FIGNL1: variants seen among roughly 807,000 people sequenced by gnomAD.
FIGNL1 encodes fidgetin like 1.
A neutral mutation model predicts 28.9 loss-of-function variants in FIGNL1; 11 were observed. That is an observed-to-expected ratio of 0.38 (90% CI 0.24 to 0.63). The LOEUF (loss-of-function observed/expected upper bound fraction) is 0.63, where lower values mean the gene tolerates loss of function less well. Among genes scored for constraint, FIGNL1 ranks in the 20% least tolerant of loss-of-function variants. The pLI is 0.57. For synonymous variants in FIGNL1, 295 were observed against 276.5 expected (o/e 1.07, Z -0.66); for missense variants, 789 against 810.4 (o/e 0.97, Z 0.32).
intron 3 of FIGNL1, 43 bp from the exon 4 acceptor site, chr7:50,447,340 A>G: frequency 1.5e-6 from 2 of 1,361,208 alleles, no homozygotes; most frequent in Non-Finnish European, 9.9e-7. Flanking sequence ...GAAGGAAAAC[A>G]AAGAAAATAC....
In FIGNL1 at chr7:50,445,548, T is replaced by C. The variant is rs781572340; in HGVS notation, c.1740A>G (p.Leu580=). The C allele has an allele frequency of 2.5e-6, 4 of 1,614,116 alleles. No individual in the cohort carries two copies. The highest frequency in any genetic ancestry group is 2.7e-5 in the African/African-American group (2 of 74,928). The part of the protein sequence containing the change: ...ASARKQIVIN[L]MSKEQCCLSE... ...TGAGGCAACACTGCTCTTTGGACAT[T>C]AGATTAATTACTATCTGTTTCCTGG... Residue 580 remains leucine, a synonymous_variant, in exon 4 of 4, where the codon CTA becomes CTG. Transcript: ENST00000433017.
chr7:50,445,521 ACT>A lies in FIGNL1; in HGVS notation c.1765_1766del (p.Ser589Ter). The A allele has an allele frequency of 6.2e-7, 1 of 1,614,174 alleles. No homozygotes were observed. The highest frequency in any genetic ancestry group is 8.5e-7 in the Non-Finnish European group (1 of 1,180,012). ...NLMSKEQCCL[S>X]EEEIEQIVQQ... Reference sequence around the variant, plus strand: ...GTACAATCTGTTCAATTTCTTCTTCACTGAGGCAACACTGCTCTTTGGACATT... The same window carrying A: ...GTACAATCTGTTCAATTTCTTCTTCAGAGGCAACACTGCTCTTTGGACATT... On this transcript the variant is annotated frameshift_variant, in exon 4 of 4. Coordinates refer to ENST00000433017, the MANE Select transcript of FIGNL1 (RefSeq NM_001287492.4). LOFTEE classifies it high-confidence loss of function.
Position 50,446,343 on chromosome 7 carries a change from A to G in FIGNL1, c.945T>C (p.Arg315=). 1 of 1,614,160 alleles carries G rather than the reference A, an allele frequency of 6.2e-7. No homozygotes were observed. The highest frequency in any genetic ancestry group is 8.5e-7 in the Non-Finnish European group (1 of 1,180,034). The change falls in exon 4 of 4, where the codon CGT becomes CGC. Residue 315 remains arginine, a synonymous_variant. Transcript: ENST00000433017. The part of the protein sequence containing the change: ...DQQKKYHQPQ[R]ASGSSYGGVK... ...CACCACCATATGAAGACCCTGATGCACGCTGAGGTTGGTGGTACTTTTTTT... is the reference window on the plus strand; with the variant it reads ...CACCACCATATGAAGACCCTGATGCGCGCTGAGGTTGGTGGTACTTTTTTT...
chr7:50,445,947 T>C lies in FIGNL1; in HGVS notation c.1341A>G (p.Lys447=), dbSNP rs2153528099. 6.2e-7 allele frequency: 1 copy of C among 1,614,114 alleles called. No homozygotes were observed. Among genetic ancestry groups the C allele is most frequent in the Non-Finnish European group, 8.5e-7 (1 of 1,180,020 alleles). Residue 447 remains lysine, a synonymous_variant, in exon 4 of 4, where the codon AAA becomes AAG. Transcript: ENST00000433017. ...ILLFGPPGTG[K]TLIGKCIASQ... ...TAGCAATGCACTTGCCAATTAGAGT[T>C]TTACCAGTCCCAGGAGGACCAAAGA...
rs143488430 is a variant in FIGNL1, at chr7:50,446,253, G to A, written c.1035C>T (p.Pro345=). The A allele has an allele frequency of 6.2e-6, 10 of 1,613,990 alleles. No homozygotes were observed. The African/African-American group carries it at 1.3e-4, about 22-fold the overall frequency. The change falls in exon 4 of 4, where the codon CCC becomes CCT. Residue 345 remains proline (P), a synonymous_variant. Transcript: ENST00000433017. ...GILGKFVPPI[P]KQDGGEQNGG... ...CATTCTGCTCTCCCCCATCTTGCTTGGGTATAGGAGGAACAAACTTTCCAA... is the reference window on the plus strand; with the variant it reads ...CATTCTGCTCTCCCCCATCTTGCTTAGGTATAGGAGGAACAAACTTTCCAA...
intron 3 of FIGNL1, 94 bp downstream of exon 3, chr7:50,448,087 A>C (rs1336700981): frequency 1.3e-5 from 2 of 152,254 alleles, no homozygotes; most frequent in Admixed American, 1.3e-4. Context: ...TGGAAGAATC[A>C]AATCAAGCAA....
chr7:50,449,208 C>T lies in FIGNL1; in HGVS notation c.-210G>A, dbSNP rs552270352. 2.6e-5 allele frequency: 4 copies of T among 152,294 alleles called. No individual in the cohort carries two copies. The highest frequency in any genetic ancestry group is 9.6e-5 in the African/African-American group (4 of 41,548). The allele number at this position is 152,294 out of a possible 1,614,324, so 9.4% of individuals were successfully genotyped here. On this transcript the variant is annotated 5_prime_UTR_variant, in exon 2 of 4. Transcript: ENST00000433017. ...AATATTCATCTTCCAAGTCTTACTT[C>T]TTCCTTTCAATTCAATCATTTAAAT...
rs1820320981 is a variant in FIGNL1, at chr7:50,444,698, GA to G, written c.*564del. 6.6e-6 allele frequency: 1 copy of G among 152,096 alleles called. No individual in the cohort carries two copies. 9.4% of individuals were successfully genotyped at this position (152,096 alleles called of 1,614,324 possible). A position where few individuals can be genotyped will look rare whatever the true frequency, so the allele number is the denominator to read the frequency against. On this transcript the variant is annotated 3_prime_UTR_variant, in exon 4 of 4. Coordinates refer to ENST00000433017, the MANE Select transcript of FIGNL1 (RefSeq NM_001287492.4). ...TTCTTAATTAACCTTTCAGTTCTGT[GA>G]ATCTAATACTAGATCACACCTTGCT...
chr7:50,445,161 T>C lies in FIGNL1; in HGVS notation c.*102A>G. 2 of 656,662 alleles carry C rather than the reference T, an allele frequency of 3.0e-6. No individual in the cohort carries two copies. The highest frequency in any genetic ancestry group is 4.8e-6 in the Non-Finnish European group (2 of 415,264). 40.7% of individuals were successfully genotyped at this position (656,662 alleles called of 1,614,324 possible). A position where few individuals can be genotyped will look rare whatever the true frequency, so the allele number is the denominator to read the frequency against. ...GTGCTATTATTTGAAGTACAGAACT[T>C]AGAATATATTCTTAAAAATACAATT... On this transcript the variant is annotated 3_prime_UTR_variant, in exon 4 of 4. Transcript: ENST00000433017.
chr7:50,448,914 CCTCTT>C (rs1821511740), intron 2 of FIGNL1, 199 bp downstream of exon 2: 1 of 152,220 alleles, frequency 6.6e-6, no homozygotes, highest in African/African-American at 2.4e-5. Flanking sequence ...CTAGATCTGA[CCTCTT>C]CTGTCAAGCA....
In FIGNL1 at chr7:50,446,282, T is replaced by G. The variant is rs749667286; in HGVS notation, c.1006A>C (p.Ile336Leu). The G allele has an allele frequency of 6.2e-7, 1 of 1,614,166 alleles. No homozygotes were observed. Among genetic ancestry groups the G allele is most frequent in the Non-Finnish European group, 8.5e-7 (1 of 1,180,022 alleles). ...KSLGASRSRGILGKFVPPIPK... is the reference protein window; with the variant it reads ...KSLGASRSRGLLGKFVPPIPK... ...ATAGGAGGAACAAACTTTCCAAGTA[T>G]CCCTCGGGATCTACTAGCTCCTAGA... The change falls in exon 4 of 4, where the codon ATA becomes CTA. Residue 336 changes from isoleucine to leucine, a missense_variant. Ile to Leu is a conservative substitution (Grantham distance 5). Coordinates refer to ENST00000433017, the MANE Select transcript of FIGNL1 (RefSeq NM_001287492.4).
At position 50,445,732 on chromosome 7, in the gene FIGNL1, C is replaced by T; in HGVS notation, c.1556G>A (p.Arg519Lys). 6.2e-7 allele frequency: 1 copy of T among 1,614,148 alleles called. No homozygotes were observed. Among genetic ancestry groups the T allele is most frequent in the Non-Finnish European group, 8.5e-7 (1 of 1,180,028 alleles). The change falls in exon 4 of 4, where the codon AGG becomes AAG. Residue 519 changes from arginine (R) to lysine (K), a missense_variant. Physicochemically the swap from Arg to Lys is conservative, Grantham distance 26 (BLOSUM62 2). Coordinates refer to ENST00000433017, the MANE Select transcript of FIGNL1 (RefSeq NM_001287492.4). ...RGDGEHESSR[R>K]IKTEFLVQLD... ...TTGAACTAAAAATTCTGTTTTTATC[C>T]TTCTAGAAGATTCATGCTCACCATC...
Position 50,446,440 on chromosome 7 carries a change from T to C in FIGNL1, c.848A>G (p.Asp283Gly), listed in dbSNP as rs756179794. The change falls in exon 4 of 4, where the codon GAT (aspartate) becomes GGT (glycine). Residue 283 changes from aspartate to glycine, a missense_variant. Asp to Gly is a moderately conservative substitution (Grantham distance 94, BLOSUM62 -1). Transcript: ENST00000433017. ...GCTGCTATCCTCCTTTGGGCCATTA[T>C]CTTCTGTTTTACTACAAGCCTTATT... ...ILNKACSKTE[D>G]NGPKEDSSLP... The C allele has an allele frequency of 6.8e-6, 11 of 1,614,084 alleles. No homozygotes were observed. Among genetic ancestry groups the C allele is most frequent in the African/African-American group, 1.3e-5 (1 of 74,932 alleles).
Position 50,445,172 on chromosome 7 carries a change from C to T in FIGNL1, c.*91G>A. The T allele has an allele frequency of 1.4e-6, 1 of 723,258 alleles. No individual in the cohort carries two copies. The highest frequency in any genetic ancestry group is 2.1e-6 in the Non-Finnish European group (1 of 470,078). The allele number at this position is 723,258 out of a possible 1,614,324, so 44.8% of individuals were successfully genotyped here. On this transcript the variant is annotated 3_prime_UTR_variant, in exon 4 of 4. Transcript: ENST00000433017. Reference sequence around the variant, plus strand: ...TGAAGTACAGAACTTAGAATATATTCTTAAAAATACAATTAACACATCCCC... The same window carrying T: ...TGAAGTACAGAACTTAGAATATATTTTTAAAAATACAATTAACACATCCCC...
At position 50,445,110 on chromosome 7, in the gene FIGNL1, C is replaced by T. The variant is rs1374360864; in HGVS notation, c.*153G>A. The T allele has an allele frequency of 6.1e-6, 3 of 490,648 alleles. No homozygotes were observed. Among genetic ancestry groups the T allele is most frequent in the Non-Finnish European group, 1.0e-5 (3 of 290,590 alleles). The allele number at this position is 490,648 out of a possible 1,614,324, so 30.4% of individuals were successfully genotyped here. On this transcript the variant is annotated 3_prime_UTR_variant, in exon 4 of 4. Coordinates refer to ENST00000433017, the MANE Select transcript of FIGNL1 (RefSeq NM_001287492.4). ...GGAAAGCAAAACTTACATTAACATA[C>T]ACTATGTCAATCAGATGTAAAATCT...
Position 50,445,936 on chromosome 7 carries a change from CCAA to C in FIGNL1, c.1349_1351del (p.Ile450_Gly451delinsSer). On this transcript the variant is annotated inframe_deletion, in exon 4 of 4. Coordinates refer to ENST00000433017, the MANE Select transcript of FIGNL1 (RefSeq NM_001287492.4). ...CCCAGACTGACTAGCAATGCACTTG[CCAA>C]TTAGAGTTTTACCAGTCCCAGGAGG... The C allele has an allele frequency of 6.2e-7, 1 of 1,614,066 alleles. No homozygotes were observed. The highest frequency in any genetic ancestry group is 8.5e-7 in the Non-Finnish European group (1 of 1,180,018).
chr7:50,446,432 G>A lies in FIGNL1; in HGVS notation c.856C>T (p.Pro286Ser), dbSNP rs759307879. Residue 286 changes from proline (P) to serine (S), a missense_variant, in exon 4 of 4, where the codon CCA becomes TCA. Transcript: ENST00000433017. ...KACSKTEDNGPKEDSSLPTFK... is the reference protein window; with the variant it reads ...KACSKTEDNGSKEDSSLPTFK... Reference sequence around the variant, plus strand: ...GTAGGCAGGCTGCTATCCTCCTTTGGGCCATTATCTTCTGTTTTACTACAA... The same window carrying A: ...GTAGGCAGGCTGCTATCCTCCTTTGAGCCATTATCTTCTGTTTTACTACAA... 4 of 1,614,002 alleles carry A rather than the reference G, an allele frequency of 2.5e-6. No homozygotes were observed. The highest frequency in any genetic ancestry group is 3.4e-6 in the Non-Finnish European group (4 of 1,180,006).
At position 50,446,963 on chromosome 7, in the gene FIGNL1, CATT is replaced by C. The variant is rs1306900828; in HGVS notation, c.322_324del (p.Asn108del). The C allele has an allele frequency of 1.2e-6, 2 of 1,614,084 alleles. No homozygotes were observed. The highest frequency in any genetic ancestry group is 2.7e-5 in the African/African-American group (2 of 74,934). On this transcript the variant is annotated inframe_deletion, in exon 4 of 4. Transcript: ENST00000433017. ...TTCTGTACACTACTCATTTTGAAAA[CATT>C]ATTTATTGACAATCCAGACTGCCAC... is the stretch of plus-strand genomic sequence containing the variant.
intron 3 of FIGNL1, among the ~76,000 whole-genome samples, chr7:50,447,660 G>A (rs1037274801): frequency 3.9e-5 from 6 of 152,086 alleles, no homozygotes; most frequent in African/African-American, 1.2e-4. Flanking sequence ...TAAACAAGAG[G>A]TTTAAGTCTG....
Sources: allele counts gnomAD v4.1 joint callset (sites outside exome capture counted in the v4.1 genomes callset), GRCh38; gene constraint gnomAD v4.1.1; transcripts MANE v1.5; gene names NCBI Gene and HGNC (gene_info 2026-07-23, HGNC 2026-07-21).